Variants in RSBN1 observed in about 807,000 individuals in gnomAD.
RSBN1 encodes round spermatid basic protein 1, also known as lysine-specific demethylase 9.
Under a neutral mutation model 74.8 loss-of-function variants are expected in RSBN1, and 23 were observed. The ratio of observed to expected loss-of-function variants is 0.31; its 90% CI spans 0.22 to 0.44. RSBN1 has a LOEUF of 0.44. RSBN1 is among the 20% of genes least tolerant of loss of function. The pLI, the probability that RSBN1 is intolerant of heterozygous loss-of-function variation, is 1.00. For missense variants in RSBN1, 808 were observed against 1,020.9 expected (o/e 0.79, Z 2.84); for synonymous variants, 407 against 379.6 (o/e 1.07, Z -0.84).
intron 4 of RSBN1, among the ~76,000 whole-genome samples, chr1:113,770,725 G>A (rs1659871340): frequency 6.6e-6 from 1 of 151,914 alleles, no homozygotes; most frequent in Non-Finnish European, 1.5e-5. Context: ...ATATGAATGG[G>A]TCAACCGAGA....
chr1:113,776,975 T>C (rs1282270814), intron 4 of RSBN1, among the ~76,000 whole-genome samples: 1 of 152,166 alleles, frequency 6.6e-6, no homozygotes, highest in Non-Finnish European at 1.5e-5. Context: ...GTTTGATCTT[T>C]TATCCTGCAG....
chr1:113,781,237 T>A (rs1248885627), intron 2 of RSBN1, among the ~76,000 whole-genome samples: 1 of 152,210 alleles, frequency 6.6e-6, no homozygotes, highest in Non-Finnish European at 1.5e-5. Context: ...CTTTTTCACA[T>A]AAGAATCCTA....
intron 2 of RSBN1, among the ~76,000 whole-genome samples, chr1:113,786,954 C>T (rs941801681): frequency 6.6e-6 from 1 of 152,188 alleles, no homozygotes; most frequent in African/African-American, 2.4e-5. Flanking sequence ...AGGTAAGGCA[C>T]TCCTCCATCG....
chr1:113,804,269 G>A (rs1660652914), intron 1 of RSBN1, among the ~76,000 whole-genome samples: 1 of 152,116 alleles, frequency 6.6e-6, no homozygotes, highest in Admixed American at 6.5e-5. Flanking sequence ...ACATAAGAAA[G>A]ATCTCTGAAA....
At chr1:113,799,229 C>T (rs955745167) in intron 1 of RSBN1, among the ~76,000 whole-genome samples, 5 of 152,124 alleles carry the variant, frequency 3.3e-5, no homozygotes, top group African/African-American at 1.2e-4. Flanking sequence ...TTTTTCTCCC[C>T]GCTTTTTGAG....
At chr1:113,778,357 G>T (rs1194486989) in intron 2 of RSBN1, among the ~76,000 whole-genome samples, 2 of 149,912 alleles carry the variant, frequency 1.3e-5, no homozygotes, top group African/African-American at 4.9e-5. Context: ...GGAGTGCAAT[G>T]GCATGATCTC....
intron 4 of RSBN1, among the ~76,000 whole-genome samples, chr1:113,774,631 C>G (rs950264293): frequency 1.1e-4 from 17 of 151,830 alleles, no homozygotes; most frequent in African/African-American, 4.1e-4. Flanking sequence ...GAGCCGAGAT[C>G]GCACCACCGC....
intron 2 of RSBN1, among the ~76,000 whole-genome samples, chr1:113,788,484 G>T (rs1411294219): frequency 6.6e-6 from 1 of 151,818 alleles, no homozygotes; most frequent in Non-Finnish European, 1.5e-5. Flanking sequence ...CCATCTCAAG[G>T]CACATTATCC....
chr1:113,765,340 T>A lies in RSBN1; in HGVS notation c.*640A>T, dbSNP rs1659758994. On this transcript the variant is annotated 3_prime_UTR_variant, in exon 7 of 7. Coordinates refer to ENST00000261441, the MANE Select transcript of RSBN1 (RefSeq NM_018364.5). ...ATTCATCTTTAGATTTTTTTTTTAA[T>A]TGAAATATCCACTGGGCTTTAAATA... 1 of 152,290 alleles carries A rather than the reference T, an allele frequency of 6.6e-6. No individual in the cohort carries two copies. The highest frequency in any genetic ancestry group is 2.1e-4 in the South Asian group (1 of 4,828). The allele number at this position is 152,290 out of a possible 1,614,324, so 9.4% of individuals were successfully genotyped here.
Position 113,807,134 on chromosome 1 carries a change from G to A in RSBN1, c.703+4576C>T, listed in dbSNP as rs1354063112. Among the ~76,000 whole-genome samples, 5 of 151,952 alleles carry A rather than the reference G, an allele frequency of 3.3e-5. 1 individual carries two copies. The highest frequency in any genetic ancestry group is 4.2e-4 in the South Asian group (2 of 4,812). ...TCAAGACCAGCCTGACCAATATGGC[G>A]AAACCCCGTCTCTACTGAAAAACAC... On this transcript the variant is annotated intron_variant, in intron 1 of 6. Coordinates refer to ENST00000261441, the MANE Select transcript of RSBN1 (RefSeq NM_018364.5).
intron 4 of RSBN1, among the ~76,000 whole-genome samples, chr1:113,770,208 C>T (rs1345891186): frequency 6.6e-6 from 1 of 152,106 alleles, no homozygotes; most frequent in Admixed American, 6.5e-5. Context: ...GAAAGAAGTA[C>T]AAGAAAAGAT....
In RSBN1 at chr1:113,765,681, T is replaced by G. The variant is rs1659763894; in HGVS notation, c.*299A>C. The G allele has an allele frequency of 3.8e-6, 1 of 266,154 alleles. No homozygotes were observed. The allele number at this position is 266,154 out of a possible 1,614,324, so 16.5% of individuals were successfully genotyped here. ...GTGAATAATTTACCAAACAAGAATC[T>G]GTTATTCCAGAGAATTCTCATTTTG... is the stretch of plus-strand genomic sequence containing the variant. On this transcript the variant is annotated 3_prime_UTR_variant, in exon 7 of 7. Transcript: ENST00000261441.
intron 6 of RSBN1, 120 bp from the exon 7 acceptor site, chr1:113,766,573 T>C: frequency 1.5e-6 from 1 of 649,360 alleles, no homozygotes; most frequent in Non-Finnish European, 2.6e-6. Flanking sequence ...AAATTAAAAT[T>C]AAGCAACACT....
chr1:113,812,017 TG>T lies in RSBN1; in HGVS notation c.395del (p.Pro132GlnfsTer45). ...PGPLPPTNAA[P>X]TVPGPVEPLL... Reference sequence around the variant, plus strand: ...GAGGCTCAACAGGGCCTGGGACAGTTGGGGCTGCATTCGTTGGCGGCAGCGG... The same window carrying T: ...GAGGCTCAACAGGGCCTGGGACAGTTGGGCTGCATTCGTTGGCGGCAGCGG... On this transcript the variant is annotated frameshift_variant, in exon 1 of 7. Transcript: ENST00000261441. LOFTEE classifies it high-confidence loss of function. 6.5e-7 allele frequency: 1 copy of T among 1,536,656 alleles called. No individual in the cohort carries two copies. Among genetic ancestry groups the T allele is most frequent in the African/African-American group, 1.4e-5 (1 of 72,664 alleles).
intron 4 of RSBN1, among the ~76,000 whole-genome samples, chr1:113,775,374 C>T (rs1313751146): frequency 6.7e-6 from 1 of 149,914 alleles, no homozygotes; most frequent in African/African-American, 2.5e-5. Flanking sequence ...ATGAGTCTTA[C>T]TCTGTCGTCC....
chr1:113,799,418 G>A (rs560576069), intron 1 of RSBN1, among the ~76,000 whole-genome samples: 1 of 152,108 alleles, frequency 6.6e-6, no homozygotes, highest in Non-Finnish European at 1.5e-5. Flanking sequence ...CATTAAGTTT[G>A]GGGGAAGCTC....
intron 1 of RSBN1, among the ~76,000 whole-genome samples, chr1:113,805,543 G>C (rs1188886728): frequency 1.3e-5 from 2 of 152,312 alleles, no homozygotes; most frequent in East Asian, 3.9e-4. Flanking sequence ...ATAGCAGAAA[G>C]AGAGGTCAAC....
chr1:113,810,637 A>G (rs1034829619), intron 1 of RSBN1, among the ~76,000 whole-genome samples: 7 of 152,186 alleles, frequency 4.6e-5, no homozygotes, highest in Non-Finnish European at 5.9e-5. Context: ...AAAAAAAATG[A>G]TTAGCCTTAA....
rs976412396 is a variant in RSBN1 at position 113,764,465 on chromosome 1, A to G, written c.*1515T>C. 1.3e-5 allele frequency: 2 copies of G among 152,678 alleles called. No individual in the cohort carries two copies. Among genetic ancestry groups the G allele is most frequent in the African/African-American group, 2.4e-5 (1 of 41,442 alleles). 9.5% of individuals were successfully genotyped at this position (152,678 alleles called of 1,614,324 possible). ...ACAGTGACCTCTATACTTTGCTAAT[A>G]TGCATTTAACTACACAACAATATTG... On this transcript the variant is annotated 3_prime_UTR_variant, in exon 7 of 7. Coordinates refer to ENST00000261441, the MANE Select transcript of RSBN1 (RefSeq NM_018364.5).
Sources: allele counts gnomAD v4.1 joint callset (sites outside exome capture counted in the v4.1 genomes callset), GRCh38; gene constraint gnomAD v4.1.1; transcripts MANE v1.5; gene names NCBI Gene and HGNC (gene_info 2026-07-23, HGNC 2026-07-21).